ADAM12: variants seen among roughly 807,000 people sequenced by gnomAD.
ADAM12 encodes disintegrin and metalloproteinase domain-containing protein 12.
Under a neutral mutation model 106.4 loss-of-function variants are expected in ADAM12, and 70 were observed. The ratio of observed to expected loss-of-function variants is 0.66; its 90% CI spans 0.54 to 0.80. ADAM12 has a LOEUF of 0.80. ADAM12 is among the 30% of genes least tolerant of loss of function. ADAM12 has a pLI of 0.00. For synonymous variants in ADAM12, 420 were observed against 433.5 expected, an observed-to-expected ratio of 0.97 and a Z score of 0.39; for missense variants, 1,010 against 1,171.9, an observed-to-expected ratio of 0.86 and a Z score of 2.02.
intron 11 of ADAM12, among the ~76,000 whole-genome samples, chr10:126,081,736 C>G (rs1272038768): frequency 2.6e-5 from 4 of 152,210 alleles, no homozygotes; most frequent in Non-Finnish European, 5.9e-5. Context: ...ACAAAAAGAT[C>G]AAAGTCTGGT....
At chr10:126,353,377 T>A (rs1219949949) in intron 1 of ADAM12, among the ~76,000 whole-genome samples, 1 of 152,160 alleles carries the variant, frequency 6.6e-6, no homozygotes, top group Admixed American at 6.5e-5. Context: ...CCAGGGAGAA[T>A]GTCTTCCACA....
chr10:126,034,187 A>G (rs1297452442), intron 21 of ADAM12, among the ~76,000 whole-genome samples: 1 of 152,238 alleles, frequency 6.6e-6, no homozygotes, highest in African/African-American at 2.4e-5. Context: ...AAGTACATAC[A>G]TACTGTAATC....
chr10:126,023,238 G>T (rs926801058), intron 21 of ADAM12, among the ~76,000 whole-genome samples: 1 of 152,088 alleles, frequency 6.6e-6, no homozygotes, highest in South Asian at 2.1e-4. Flanking sequence ...TATAAATGTC[G>T]TAAACCCTAA....
In ADAM12 at chr10:126,046,064, G is replaced by T; in HGVS notation, c.1986C>A (p.His662Gln). Reference sequence around the variant, plus strand: ...AGCTCAGCCTACTCACCCCTCTGCCGTGGCACTGCATTGCACACTCGTGAA... The same window carrying T: ...AGCTCAGCCTACTCACCCCTCTGCCTTGGCACTGCATTGCACACTCGTGAA... ...FGVHECAMQC[H>Q]GRGVCNNRKN... Residue 662 changes from histidine to glutamine, a missense_variant, in exon 17 of 23, where the codon CAC (histidine) becomes CAA (glutamine). Physicochemically the swap from His to Gln is conservative, Grantham distance 24. Coordinates refer to ENST00000448723, the MANE Select transcript of ADAM12 (RefSeq NM_001288973.2). 2 of 1,614,006 alleles carry T rather than the reference G, an allele frequency of 1.2e-6. No individual in the cohort carries two copies. Among genetic ancestry groups the T allele is most frequent in the East Asian group, 2.2e-5 (1 of 44,880 alleles).
intron 4 of ADAM12, among the ~76,000 whole-genome samples, chr10:126,143,069 ATGTGTGCATG>A (rs1956546712): frequency 7.0e-6 from 1 of 142,810 alleles, no homozygotes; most frequent in Non-Finnish European, 1.5e-5. Context: ...ACATGTGCAT[ATGTGTGCATG>A]TGTGTATATG....
chr10:126,321,560 T>A (rs946266226), intron 2 of ADAM12, among the ~76,000 whole-genome samples: 2 of 152,174 alleles, frequency 1.3e-5, no homozygotes, highest in Non-Finnish European at 2.9e-5. Context: ...TGCTTTCTCC[T>A]CTTTGTGTGT....
At chr10:126,243,521 G>T (rs547946076) in intron 3 of ADAM12, among the ~76,000 whole-genome samples, 1 of 148,094 alleles carries the variant, frequency 6.8e-6, no homozygotes, top group East Asian at 2.0e-4. Context: ...GTGTGTGTAG[G>T]TCATTCAGGA....
At chr10:126,359,653 T>C (rs1855671953) in intron 1 of ADAM12, among the ~76,000 whole-genome samples, 7 of 152,162 alleles carry the variant, frequency 4.6e-5, no homozygotes. Context: ...CCCTGTGACT[T>C]TGCAGGGTAC....
At chr10:126,260,452 A>G (rs532283121) in intron 3 of ADAM12, among the ~76,000 whole-genome samples, 2 of 152,374 alleles carry the variant, frequency 1.3e-5, no homozygotes, top group East Asian at 3.9e-4. Context: ...GGAGGAACCA[A>G]TGGGCTGCTC....
intron 1 of ADAM12, among the ~76,000 whole-genome samples, chr10:126,334,348 A>G (rs1854621347): frequency 6.6e-6 from 1 of 152,184 alleles, no homozygotes; most frequent in South Asian, 2.1e-4. Flanking sequence ...AGAAATGTGG[A>G]TAGATTATAC....
At chr10:126,079,285 C>CA (rs1455518387) in intron 11 of ADAM12, among the ~76,000 whole-genome samples, 2 of 152,116 alleles carry the variant, frequency 1.3e-5, no homozygotes, top group Non-Finnish European at 2.9e-5. Context: ...AACTTCCCCC[C>CA]ACCCCTCAAA....
At chr10:126,378,574 G>A (rs1856377070) in intron 1 of ADAM12, among the ~76,000 whole-genome samples, 1 of 152,180 alleles carries the variant, frequency 6.6e-6, no homozygotes, top group Admixed American at 6.5e-5. Context: ...AGGGGTATGT[G>A]TGTGTGTACA....
intron 3 of ADAM12, among the ~76,000 whole-genome samples, chr10:126,188,677 T>C (rs185417571): frequency 6.6e-6 from 1 of 152,340 alleles, no homozygotes; most frequent in East Asian, 1.9e-4. Context: ...CATATCTTTG[T>C]ACGCCCTTTA....
intron 12 of ADAM12, chr10:126,070,765 G>A (rs1152653): frequency 0.52 from 78,848 of 151,930 alleles, 21,604 homozygotes; most frequent in African/African-American, 0.66. Context: ...CAGACTTCGA[G>A]GGGGCACCTG....
At chr10:126,112,568 C>CAG (rs1457670468) in intron 6 of ADAM12, among the ~76,000 whole-genome samples, 7 of 152,084 alleles carry the variant, frequency 4.6e-5, no homozygotes, top group Non-Finnish European at 1.0e-4. Context: ...AAAGTCATCA[C>CAG]AGCCAAGTTC....
At chr10:126,170,550 T>C (rs1002176799) in intron 3 of ADAM12, among the ~76,000 whole-genome samples, 9 of 151,886 alleles carry the variant, frequency 5.9e-5, no homozygotes, top group African/African-American at 2.2e-4. Flanking sequence ...TCCAATCCCC[T>C]AGGCTGAGTC....
intron 3 of ADAM12, among the ~76,000 whole-genome samples, chr10:126,270,065 T>C (rs564833776): frequency 1.3e-5 from 2 of 152,340 alleles, no homozygotes; most frequent in South Asian, 4.1e-4. Flanking sequence ...AGATCTTAAA[T>C]GTTAAGGTTG....
At chr10:126,263,166 T>C (rs775611372) in intron 3 of ADAM12, among the ~76,000 whole-genome samples, 41 of 152,196 alleles carry the variant, frequency 2.7e-4, no homozygotes, top group Non-Finnish European at 4.9e-4. Context: ...CCTCATCTAG[T>C]GTTGTAAGCA....
chr10:126,328,326 A>G (rs929539811), intron 2 of ADAM12, among the ~76,000 whole-genome samples: 1 of 152,242 alleles, frequency 6.6e-6, no homozygotes, highest in Non-Finnish European at 1.5e-5. Flanking sequence ...TCTGAGGCAC[A>G]GCAGGCACCG....
Sources: gnomAD v4.1 joint callset for allele counts (sites outside exome capture counted in the v4.1 genomes callset) on GRCh38, gnomAD v4.1.1 for gene constraint, MANE v1.5 for transcripts, NCBI Gene and HGNC (gene_info 2026-07-23, HGNC 2026-07-21) for gene names.